Variants in PCDHGA3 observed in about 807,000 individuals in gnomAD.
PCDHGA3 encodes protocadherin gamma subfamily A, 3.
Under a neutral mutation model 58.5 loss-of-function variants are expected in PCDHGA3, and 40 were observed. The ratio of observed to expected loss-of-function variants is 0.68; its 90% CI spans 0.53 to 0.89. The LOEUF (loss-of-function observed/expected upper bound fraction) is 0.89, where lower values mean the gene tolerates loss of function less well. Among genes scored for constraint, PCDHGA3 ranks in the 40% least tolerant of loss-of-function variants. PCDHGA3 has a pLI of 0.00. For missense variants in PCDHGA3, 1,223 were observed against 1,195.9 expected (o/e 1.02, Z -0.33); for synonymous variants, 530 against 525.7 (o/e 1.01, Z -0.11).
intron 1 of PCDHGA3, chr5:141,399,141 C>T (rs778835051): frequency 1.9e-6 from 3 of 1,613,660 alleles, no homozygotes; most frequent in African/African-American, 1.3e-5. Flanking sequence ...ATGAAAATGA[C>T]AATAGCCCAG....
chr5:141,418,345 T>C, intron 1 of PCDHGA3: 1 of 1,614,000 alleles, frequency 6.2e-7, no homozygotes, highest in Non-Finnish European at 8.5e-7. Context: ...ATCCTGATAT[T>C]AGTATGAATT....
chr5:141,476,196 A>G lies in PCDHGA3; in HGVS notation c.2425-18611A>G, dbSNP rs2099386612. The G allele has an allele frequency of 6.2e-7, 1 of 1,613,852 alleles. No individual in the cohort carries two copies. Among genetic ancestry groups the G allele is most frequent in the South Asian group, 1.1e-5 (1 of 91,074 alleles). ...GTTTTGCTTCTGCTTGGTGCCTTGA[A>G]CAAGGCTTCCACGGTCATTCACTAT... On this transcript the variant is annotated intron_variant, in intron 1 of 3. Coordinates refer to ENST00000253812, the MANE Select transcript of PCDHGA3 (RefSeq NM_018916.4). This position sits in a 1 kb window ranked among gnomAD's most constrained non-coding sequence, Gnocchi z 7.6.
chr5:141,393,458 G>A (rs181214352), intron 1 of PCDHGA3: 5 of 1,614,020 alleles, frequency 3.1e-6, no homozygotes, highest in African/African-American at 2.7e-5. Context: ...TCACGGCCTC[G>A]GATGGCGGCA....
chr5:141,364,177 C>G (rs1432921471), intron 1 of PCDHGA3: 4 of 848,374 alleles, frequency 4.7e-6, no homozygotes, highest in Non-Finnish European at 6.7e-6. Flanking sequence ...GACTCTGCTC[C>G]CTCCATACTA....
chr5:141,415,935 C>A, intron 1 of PCDHGA3: 1 of 601,886 alleles, frequency 1.7e-6, no homozygotes, highest in Non-Finnish European at 2.4e-6. Context: ...TTTATATTTC[C>A]TCCTGGGTGG....
intron 1 of PCDHGA3, chr5:141,429,173 C>CA (rs1561839883): frequency 7.9e-6 from 1 of 125,872 alleles, no homozygotes; most frequent in Non-Finnish European, 1.7e-5. Flanking sequence ...TGTTTATACA[C>CA]ACACACACAC....
intron 1 of PCDHGA3, chr5:141,350,429 C>T (rs747653356): frequency 6.2e-7 from 1 of 1,609,682 alleles, no homozygotes; most frequent in African/African-American, 1.3e-5. Flanking sequence ...GCTCAGTGTC[C>T]GGGAGTTGCC....
chr5:141,490,597 C>T lies in PCDHGA3; in HGVS notation c.2425-4210C>T, dbSNP rs781077720. Reference sequence around the variant, plus strand: ...TTCAGATGTCAATGACAATGCACCCCGCTTCAACCAGCAGCTTTACACTGC... The same window carrying T: ...TTCAGATGTCAATGACAATGCACCCTGCTTCAACCAGCAGCTTTACACTGC... On this transcript the variant is annotated intron_variant, in intron 1 of 3. Coordinates refer to ENST00000253812, the MANE Select transcript of PCDHGA3 (RefSeq NM_018916.4). The surrounding 1 kb of genome is among the most constrained non-coding windows in gnomAD (Gnocchi z 5.4). The T allele has an allele frequency of 1.2e-5, 20 of 1,614,182 alleles. No homozygotes were observed. The highest frequency in any genetic ancestry group is 3.3e-5 in the Admixed American group (2 of 60,026).
chr5:141,355,232 C>G (rs1759768343), intron 1 of PCDHGA3: 1 of 1,611,712 alleles, frequency 6.2e-7, no homozygotes, highest in Non-Finnish European at 8.5e-7. Flanking sequence ...CCAGACCACA[C>G]CCGGCTGCTC....
chr5:141,423,374 G>T (rs1356564295), intron 1 of PCDHGA3: 2 of 1,614,188 alleles, frequency 1.2e-6, no homozygotes, highest in Admixed American at 1.7e-5. Context: ...CTGGCACTCA[G>T]GCTGTGGCGC....
intron 1 of PCDHGA3, chr5:141,391,966 T>A (rs1389260854): frequency 1.3e-5 from 2 of 152,162 alleles, no homozygotes; most frequent in African/African-American, 2.4e-5. Context: ...ACAATGTAAA[T>A]AAAATAGCAA....
chr5:141,379,238 A>C (rs1775465373), intron 1 of PCDHGA3: 1 of 152,242 alleles, frequency 6.6e-6, no homozygotes, highest in Non-Finnish European at 1.5e-5. Flanking sequence ...CTGAACCAAT[A>C]TTGTGGTATT....
intron 1 of PCDHGA3, chr5:141,418,983 A>T: frequency 6.2e-7 from 1 of 1,613,900 alleles, no homozygotes; most frequent in Admixed American, 1.7e-5. Context: ...CGGGACCAAG[A>T]CTCAGGGGAA....
At chr5:141,351,310 C>A in intron 1 of PCDHGA3, 1 of 1,613,816 alleles carries the variant, frequency 6.2e-7, no homozygotes, top group Non-Finnish European at 8.5e-7. Context: ...CCTTCTCTAA[C>A]CAGATTCCAG....
chr5:141,356,910 T>A lies in PCDHGA3; in HGVS notation c.2424+10453T>A, dbSNP rs187434280. On this transcript the variant is annotated intron_variant, in intron 1 of 3. Coordinates refer to ENST00000253812, the MANE Select transcript of PCDHGA3 (RefSeq NM_018916.4). ...TCCTGTACCCCACCTTCCCTACTGA[T>A]GGCTCCACTGGTGTGGAGCTGGCAC... The A allele has an allele frequency of 3.6e-5, 58 of 1,614,140 alleles. No homozygotes were observed. The African/African-American group carries it at 7.2e-4, about 20-fold the overall frequency.
intron 1 of PCDHGA3, among the ~76,000 whole-genome samples, chr5:141,460,804 T>C (rs2098998238): frequency 1.3e-5 from 2 of 152,020 alleles, no homozygotes; most frequent in African/African-American, 4.8e-5. Flanking sequence ...AGTATATATA[T>C]GTATGTATAC....
rs1177173734 is a variant in PCDHGA3, at chr5:141,491,741, G to T, written c.2425-3066G>T. 1.3e-6 allele frequency: 2 copies of T among 1,595,762 alleles called. No individual in the cohort carries two copies. On this transcript the variant is annotated intron_variant, in intron 1 of 3. Transcript: ENST00000253812. This position sits in a 1 kb window ranked among gnomAD's most constrained non-coding sequence, Gnocchi z 6.9. ...CCGCCCCGGGCGACCCCTGGGGGCG[G>T]CACTGGAGAAGCCGCCCGTCCTCAT... is the stretch of plus-strand genomic sequence containing the variant.
chr5:141,488,441 C>T (rs1320712074), intron 1 of PCDHGA3, among the ~76,000 whole-genome samples: 1 of 152,206 alleles, frequency 6.6e-6, no homozygotes, highest in Non-Finnish European at 1.5e-5. Flanking sequence ...TGACCACCCT[C>T]CTGGGTGACC....
intron 1 of PCDHGA3, chr5:141,404,904 AG>A: frequency 3.1e-6 from 5 of 1,613,864 alleles, no homozygotes; most frequent in Non-Finnish European, 4.2e-6. Flanking sequence ...GACCATGGCC[AG>A]CCCCCTCTCT....
Sources: gnomAD v4.1 joint callset for allele counts (sites outside exome capture counted in the v4.1 genomes callset) on GRCh38, gnomAD v4.1.1 for gene constraint, Gnocchi (gnomAD v3.1) non-coding constraint, MANE v1.5 for transcripts, NCBI Gene and HGNC (gene_info 2026-07-23, HGNC 2026-07-21) for gene names.